ZNF516: variants seen among roughly 807,000 people sequenced by gnomAD.
The protein encoded by ZNF516 is zinc finger protein 516.
A neutral mutation model predicts 79.7 loss-of-function variants in ZNF516; 19 were observed. That is an observed-to-expected ratio of 0.24 (90% CI 0.17 to 0.35). The LOEUF (loss-of-function observed/expected upper bound fraction) is 0.35, where lower values mean the gene tolerates loss of function less well. Ranked by LOEUF, ZNF516 falls within the 10% of genes least tolerant of loss-of-function variation. The probability of loss-of-function intolerance (pLI) is 1.00; values close to 1 mark genes in which losing one functional copy is unlikely to be tolerated. For missense variants in ZNF516, 1,678 were observed against 1,679.5 expected (o/e 1.00, Z 0.02); for synonymous variants, 877 against 739.5 (o/e 1.19, Z -3.02).
Position 76,463,067 on chromosome 18 carries a change from T to TCCCA in ZNF516, c.-201_-198dup, listed in dbSNP as rs1298748817. 6.6e-6 allele frequency: 1 copy of TCCCA among 152,198 alleles called. No homozygotes were observed. The highest frequency in any genetic ancestry group is 6.5e-5 in the Admixed American group (1 of 15,278). The allele number at this position is 152,198 out of a possible 1,614,324, so 9.4% of individuals were successfully genotyped here. Reference sequence around the variant, plus strand: ...GAATGTGGAAATGCAATGACAACGCTCCCAGTTGGATGCTGGTACTCTCAG... The same window carrying TCCCA: ...GAATGTGGAAATGCAATGACAACGCTCCCACCCAGTTGGATGCTGGTACTCTCAG... On this transcript the variant is annotated 5_prime_UTR_variant, in exon 2 of 7. Transcript: ENST00000443185.
At chr18:76,433,785 G>C (rs1170879768) in intron 3 of ZNF516, among the ~76,000 whole-genome samples, 1 of 152,188 alleles carries the variant, frequency 6.6e-6, no homozygotes, top group Non-Finnish European at 1.5e-5. Flanking sequence ...GCACATCACG[G>C]ATACAGGAGG....
chr18:76,487,361 G>A (rs1426665519), intron 1 of ZNF516, among the ~76,000 whole-genome samples: 1 of 152,100 alleles, frequency 6.6e-6, no homozygotes, highest in Non-Finnish European at 1.5e-5. Context: ...AATACACTTC[G>A]TACACTGTAG....
chr18:76,412,963 C>T (rs948964783), intron 3 of ZNF516, among the ~76,000 whole-genome samples: 3 of 152,358 alleles, frequency 2.0e-5, no homozygotes, highest in South Asian at 2.1e-4. Context: ...CATCACTGCA[C>T]GCCACCGCGG....
intron 1 of ZNF516, among the ~76,000 whole-genome samples, chr18:76,494,240 T>C (rs1915385997): frequency 6.6e-6 from 1 of 152,220 alleles, no homozygotes; most frequent in Non-Finnish European, 1.5e-5. Flanking sequence ...ATCTAAATAC[T>C]GATCGTAACT....
At chr18:76,395,432 C>T (rs889956682) in intron 3 of ZNF516, among the ~76,000 whole-genome samples, 12 of 152,194 alleles carry the variant, frequency 7.9e-5, no homozygotes. Context: ...ATATCCAAGA[C>T]TCACATGCAA....
At chr18:76,456,217 C>G (rs1252820744) in intron 2 of ZNF516, among the ~76,000 whole-genome samples, 3 of 152,248 alleles carry the variant, frequency 2.0e-5, no homozygotes, top group Non-Finnish European at 2.9e-5. Flanking sequence ...GCTTAAACTG[C>G]TCAAGCAGAA....
chr18:76,360,931 C>G lies in ZNF516; in HGVS notation c.*1567G>C, dbSNP rs1169921979. ...TAAACAAGACTTTGTATCAGAAGCC[C>G]ACTGTCTACAAAAACTGCACTAGTC... On this transcript the variant is annotated 3_prime_UTR_variant, in exon 7 of 7. Transcript: ENST00000443185. 1 of 151,328 alleles carries G rather than the reference C, an allele frequency of 6.6e-6. No individual in the cohort carries two copies. The highest frequency in any genetic ancestry group is 1.5e-5 in the Non-Finnish European group (1 of 67,916). 9.4% of individuals were successfully genotyped at this position (151,328 alleles called of 1,614,324 possible).
intron 1 of ZNF516, among the ~76,000 whole-genome samples, chr18:76,477,837 ATGCTTTAAGAAGC>A (rs1411363164): frequency 1.3e-5 from 2 of 152,050 alleles, no homozygotes; most frequent in Non-Finnish European, 2.9e-5. Flanking sequence ...CTTTAAGAAG[ATGCTTTAAGAAGC>A]ATCTTCTTAA....
intron 1 of ZNF516, among the ~76,000 whole-genome samples, chr18:76,479,989 G>C (rs112558676): frequency 6.6e-6 from 1 of 152,112 alleles, no homozygotes; most frequent in African/African-American, 2.4e-5. Context: ...GCAGAAATCA[G>C]AAACAGAGGA....
intron 2 of ZNF516, among the ~76,000 whole-genome samples, chr18:76,452,451 G>A (rs544176779): frequency 3.9e-5 from 6 of 152,282 alleles, no homozygotes; most frequent in Non-Finnish European, 7.3e-5. Context: ...TTTAGTACGC[G>A]AACTCTGATC....
At position 76,459,443 on chromosome 18, in the gene ZNF516, C is replaced by T. The variant is rs1235671327; in HGVS notation, c.-158+3585G>A. ...AAAACTCTGGCCCTCCACTGCCGGCCAGGGAGGCCTCGCGTGCCAAGCTGG... is the reference window on the plus strand; with the variant it reads ...AAAACTCTGGCCCTCCACTGCCGGCTAGGGAGGCCTCGCGTGCCAAGCTGG... On this transcript the variant is annotated intron_variant, in intron 2 of 6. Coordinates refer to ENST00000443185, the MANE Select transcript of ZNF516 (RefSeq NM_014643.4). This position sits in a 1 kb window ranked among gnomAD's most constrained non-coding sequence, Gnocchi z 5.0. 6.6e-6 allele frequency among the ~76,000 whole-genome samples: 1 copy of T among 152,230 alleles called. No individual in the cohort carries two copies. The highest frequency in any genetic ancestry group is 2.1e-4 in the South Asian group (1 of 4,834).
At chr18:76,395,281 A>T (rs1355731272) in intron 3 of ZNF516, among the ~76,000 whole-genome samples, 1 of 152,208 alleles carries the variant, frequency 6.6e-6, no homozygotes, top group African/African-American at 2.4e-5. Context: ...ACCCCGTCCT[A>T]AACGAGCATC....
intron 3 of ZNF516, among the ~76,000 whole-genome samples, chr18:76,427,188 T>C (rs766197514): frequency 9.2e-5 from 14 of 152,244 alleles, no homozygotes; most frequent in African/African-American, 2.9e-4. Flanking sequence ...TACATTATTA[T>C]ATATTATTGG....
Position 76,493,286 on chromosome 18 carries a change from G to GA in ZNF516, c.-272+1857dup, listed in dbSNP as rs1287864130. 1.7e-6 allele frequency: 1 copy of GA among 571,830 alleles called. No individual in the cohort carries two copies. The highest frequency in any genetic ancestry group is 6.9e-5 in the Admixed American group (1 of 14,588). 35.4% of individuals were successfully genotyped at this position (571,830 alleles called of 1,614,324 possible). A position where few individuals can be genotyped will look rare whatever the true frequency, so the allele number is the denominator to read the frequency against. ...GAAATTCACGAAGGGAGTGGAGGCG[G>GA]AAAGGGAGCTCCGAGAAAGAAGGAG... is the stretch of plus-strand genomic sequence containing the variant. On this transcript the variant is annotated intron_variant, in intron 1 of 6. Coordinates refer to ENST00000443185, the MANE Select transcript of ZNF516 (RefSeq NM_014643.4). The surrounding 1 kb of genome is among the most constrained non-coding windows in gnomAD (Gnocchi z 5.2).
chr18:76,482,639 A>G (rs1234885984), intron 1 of ZNF516, among the ~76,000 whole-genome samples: 1 of 152,236 alleles, frequency 6.6e-6, no homozygotes, highest in Non-Finnish European at 1.5e-5. Flanking sequence ...AAGTATCTTC[A>G]ACTTAGGATG....
At chr18:76,480,404 C>A (rs369526624) in intron 1 of ZNF516, among the ~76,000 whole-genome samples, 2 of 152,000 alleles carry the variant, frequency 1.3e-5, no homozygotes, top group Admixed American at 6.6e-5. Context: ...ACTACAGGCC[C>A]GCGGGCCAAA....
intron 2 of ZNF516, among the ~76,000 whole-genome samples, chr18:76,456,749 G>A (rs1013363494): frequency 2.4e-5 from 3 of 126,262 alleles, no homozygotes; most frequent in African/African-American, 9.0e-5. Context: ...GGGGGCTGGG[G>A]GGTGGGGGGG....
In ZNF516 at chr18:76,442,023, A is replaced by G; in HGVS notation, c.1032T>C (p.Phe344=). ...YEVCAKCGNL[F]TNLDSLNAHN... ...GGGCGTTCAAGCTGTCCAGGTTTGT[A>G]AACAGGTTCCCGCACTTGGCGCAGA... The change falls in exon 3 of 7, where the codon TTT becomes TTC. Residue 344 remains phenylalanine, a synonymous_variant. Transcript: ENST00000443185. 1.2e-6 allele frequency: 2 copies of G among 1,613,868 alleles called. No individual in the cohort carries two copies. Among genetic ancestry groups the G allele is most frequent in the African/African-American group, 1.3e-5 (1 of 75,056 alleles).
rs558947553 is a variant in ZNF516 at position 76,442,568 on chromosome 18, A to G, written c.487T>C (p.Ser163Pro). 6.3e-7 allele frequency: 1 copy of G among 1,598,270 alleles called. No homozygotes were observed. The highest frequency in any genetic ancestry group is 1.3e-5 in the African/African-American group (1 of 74,914). Residue 163 changes from serine (S) to proline (P), a missense_variant, in exon 3 of 7, where the codon TCC (serine) becomes CCC (proline). This residue lies in a region of ZNF516 where 279 missense variants were observed against 254.1 expected (regional missense o/e 1.10). Coordinates refer to ENST00000443185, the MANE Select transcript of ZNF516 (RefSeq NM_014643.4). ...LRSSKKGAEGSACAPGEAKAA... is the reference protein window; with the variant it reads ...LRSSKKGAEGPACAPGEAKAA... The stretch of plus-strand genomic sequence containing the variant: ...TTGGCCTCCCCCGGGGCGCATGCGG[A>G]CCCCTCTGCCCCCTTCTTGCTGCTC...
Sources: allele counts gnomAD v4.1 joint callset (sites outside exome capture counted in the v4.1 genomes callset), GRCh38; gene constraint gnomAD v4.1.1; regional missense constraint gnomAD v4.1.1; non-coding constraint Gnocchi (gnomAD v3.1); transcripts MANE v1.5; gene names NCBI Gene and HGNC (gene_info 2026-07-23, HGNC 2026-07-21).